Variants in CREB3L3 observed in about 807,000 individuals in gnomAD.
CREB3L3 encodes the protein cAMP responsive element binding protein 3 like 3, also known as cyclic AMP-responsive element-binding protein 3-like protein 3.
CREB3L3 carries 40 observed loss-of-function variants against 44.6 expected under a neutral mutation model. That is an observed-to-expected ratio of 0.90 (90% CI 0.70 to 1.17). The LOEUF is 1.17. Ranked by LOEUF, CREB3L3 falls within the 50% of genes most tolerant of loss-of-function variation. The pLI is 0.00. For missense variants in CREB3L3, 578 were observed against 595.8 expected (o/e 0.97, Z 0.31); for synonymous variants, 273 against 256.3 (o/e 1.06, Z -0.62).
chr19:4,160,986 A>C (rs2041654682), intron 4 of CREB3L3, among the ~76,000 whole-genome samples: 1 of 145,768 alleles, frequency 6.9e-6, no homozygotes, highest in African/African-American at 2.5e-5. Context: ...ATCTCGGCTC[A>C]CTGCAAGCTC....
Position 4,171,560 on chromosome 19 carries a change from C to T in CREB3L3, c.1072+81C>T, listed in dbSNP as rs1029027351. On this transcript the variant is annotated intron_variant, in intron 9 of 9. Transcript: ENST00000078445. The surrounding 1 kb of genome is among the most constrained non-coding windows in gnomAD (Gnocchi z 4.9). Reference sequence around the variant, plus strand: ...GGCCTCTGGGGGAGGGGGAGAAGACCCCTGTGCCCTTGTTCCCTGAGGCTG... The same window carrying T: ...GGCCTCTGGGGGAGGGGGAGAAGACTCCTGTGCCCTTGTTCCCTGAGGCTG... 25 of 1,598,214 alleles carry T rather than the reference C, an allele frequency of 1.6e-5. No individual in the cohort carries two copies. The African/African-American group carries it at 3.1e-4, about 20-fold the overall frequency.
At position 4,153,707 on chromosome 19, in the gene CREB3L3, GA is replaced by G; in HGVS notation, c.-40del. 1.2e-6 allele frequency: 2 copies of G among 1,613,636 alleles called. No individual in the cohort carries two copies. Among genetic ancestry groups the G allele is most frequent in the Non-Finnish European group, 1.7e-6 (2 of 1,179,784 alleles). ...GTGGGTGGGCCTCCAGCTTGGAGCA[GA>G]GACCCCCCGAGGCATCTGCAGACAG... On this transcript the variant is annotated 5_prime_UTR_variant, in exon 1 of 10. Coordinates refer to ENST00000078445, the MANE Select transcript of CREB3L3 (RefSeq NM_032607.3).
intron 6 of CREB3L3, among the ~76,000 whole-genome samples, chr19:4,168,723 G>T (rs149919424): frequency 1.8e-3 from 275 of 152,242 alleles, no homozygotes; most frequent in African/African-American, 6.3e-3. Flanking sequence ...CCCTCTGCCT[G>T]AAGATAGACA....
At chr19:4,153,808 G>A (rs566742768) in intron 1 of CREB3L3, 34 bp downstream of exon 1, 1 of 1,613,152 alleles carries the variant, frequency 6.2e-7, no homozygotes, top group Admixed American at 1.7e-5. Flanking sequence ...GAGAGCGGGA[G>A]TCTAGGCTGG....
chr19:4,159,649 A>C lies in CREB3L3; in HGVS notation c.458-15A>C, dbSNP rs190952844. ...TGACACTCTCCCTGTCTCCGTCCCC[A>C]CCTGCCCTGGTCAGAAATGTGGAGC... On this transcript the variant is annotated splice_polypyrimidine_tract_variant and intron_variant, in intron 3 of 9. Coordinates refer to ENST00000078445, the MANE Select transcript of CREB3L3 (RefSeq NM_032607.3). The C allele has an allele frequency of 7.9e-7, 1 of 1,269,420 alleles. No individual in the cohort carries two copies. Among genetic ancestry groups the C allele is most frequent in the Non-Finnish European group, 1.2e-6 (1 of 865,220 alleles). 78.6% of individuals were successfully genotyped at this position (1,269,420 alleles called of 1,614,324 possible).
intron 1 of CREB3L3, 87 bp from the exon 2 acceptor site, chr19:4,154,812 G>T: frequency 6.3e-7 from 1 of 1,599,428 alleles, no homozygotes; most frequent in Non-Finnish European, 8.5e-7. Context: ...CTGAACTCTA[G>T]CCGGAAAGAG....
rs911624984 is a variant in CREB3L3, at chr19:4,156,029, G to A, written c.157-966G>A. On this transcript the variant is annotated intron_variant, in intron 2 of 9. Transcript: ENST00000078445. ...CTCCCAAAGTGCTGGGATTATAGGC[G>A]TGAGCCACCACACCCGGCCCTTTTT... Among the ~76,000 whole-genome samples the A allele has an allele frequency of 4.2e-4, 62 of 148,746 alleles. 2 individuals are homozygous for A. Among genetic ancestry groups the A allele is most frequent in the Non-Finnish European group, 1.3e-4 (9 of 66,832 alleles).
In CREB3L3 at chr19:4,171,215, T is replaced by C. The variant is rs1181370486; in HGVS notation, c.975+40T>C. 1.3e-6 allele frequency: 2 copies of C among 1,572,618 alleles called. No individual in the cohort carries two copies. The highest frequency in any genetic ancestry group is 1.7e-4 in the Middle Eastern group (1 of 5,978). ...CCCCAGGCAAGCCGGGGACCTAGGC[T>C]TCTGTAGAGGGGCCCATAGGGAGGT... On this transcript the variant is annotated intron_variant, in intron 8 of 9. Transcript: ENST00000078445. This position sits in a 1 kb window ranked among gnomAD's most constrained non-coding sequence, Gnocchi z 4.9.
chr19:4,155,256 A>G (rs894805323), intron 2 of CREB3L3, among the ~76,000 whole-genome samples: 4 of 152,194 alleles, frequency 2.6e-5, no homozygotes, highest in Admixed American at 2.0e-4. Context: ...AAACTCATCC[A>G]AAGTCACACA....
intron 4 of CREB3L3, among the ~76,000 whole-genome samples, chr19:4,162,516 C>CAAAAAAAAAAA (rs777481446): frequency 2.1e-5 from 2 of 96,724 alleles, no homozygotes; most frequent in African/African-American, 8.4e-5. Context: ...CTCGTCTCTA[C>CAAAAAAAAAAA]AAAAAAAAAA....
At chr19:4,165,167 C>T (rs1037967960) in intron 5 of CREB3L3, among the ~76,000 whole-genome samples, 1 of 149,086 alleles carries the variant, frequency 6.7e-6, no homozygotes, top group South Asian at 2.1e-4. Flanking sequence ...AATTTGGGTG[C>T]AGCAAACTTT....
At chr19:4,168,871 A>C (rs1286801810) in intron 6 of CREB3L3, among the ~76,000 whole-genome samples, 1 of 151,984 alleles carries the variant, frequency 6.6e-6, no homozygotes, top group Non-Finnish European at 1.5e-5. Context: ...AGCTGGGATT[A>C]CAGGTGCATG....
At chr19:4,163,705 G>A (rs1163473208) in intron 4 of CREB3L3, among the ~76,000 whole-genome samples, 1 of 151,644 alleles carries the variant, frequency 6.6e-6, no homozygotes, top group Non-Finnish European at 1.5e-5. Context: ...TGGAGACAGG[G>A]TTTCACCATG....
At chr19:4,166,234 G>A (rs1019623786) in intron 5 of CREB3L3, among the ~76,000 whole-genome samples, 4 of 151,444 alleles carry the variant, frequency 2.6e-5, no homozygotes, top group South Asian at 2.1e-4. Context: ...GACTACAGGT[G>A]TATGCCATTA....
In CREB3L3 at chr19:4,171,598, G is replaced by A; in HGVS notation, c.1073-58G>A. 1 of 1,602,794 alleles carries A rather than the reference G, an allele frequency of 6.2e-7. No homozygotes were observed. Among genetic ancestry groups the A allele is most frequent in the Non-Finnish European group, 8.5e-7 (1 of 1,170,154 alleles). The stretch of plus-strand genomic sequence containing the variant: ...TTCCCTGAGGCTGGGGGCCAGGGAA[G>A]GGAGCATAGGACCCCACCTCCACCT... On this transcript the variant is annotated intron_variant, in intron 9 of 9. Coordinates refer to ENST00000078445, the MANE Select transcript of CREB3L3 (RefSeq NM_032607.3). The surrounding 1 kb of genome is among the most constrained non-coding windows in gnomAD (Gnocchi z 4.9).
Position 4,170,180 on chromosome 19 carries a change from A to G in CREB3L3, c.862A>G (p.Lys288Glu), listed in dbSNP as rs765876805. The G allele has an allele frequency of 2.5e-6, 4 of 1,614,144 alleles. No individual in the cohort carries two copies. The East Asian group carries it at 8.9e-5, about 36-fold the overall frequency. The change falls in exon 7 of 10, where the codon AAA becomes GAA. Residue 288 changes from lysine to glutamate, a missense_variant. Physicochemically the swap from Lys to Glu is moderately conservative, Grantham distance 56. Coordinates refer to ENST00000078445, the MANE Select transcript of CREB3L3 (RefSeq NM_032607.3). ...CTAQNQELQRKVLHLEKQNLS... is the reference protein window; with the variant it reads ...CTAQNQELQREVLHLEKQNLS... ...TGCTCAGAATCAGGAGTTACAGAGG[A>G]AAGTCTTGCATCTCGAGAAGCAAAA...
Position 4,171,487 on chromosome 19 carries a change from A to T in CREB3L3, c.1072+8A>T. 1 of 1,613,696 alleles carries T rather than the reference A, an allele frequency of 6.2e-7. No homozygotes were observed. The highest frequency in any genetic ancestry group is 8.5e-7 in the Non-Finnish European group (1 of 1,179,770). On this transcript the variant is annotated splice_region_variant and intron_variant, in intron 9 of 9. Coordinates refer to ENST00000078445, the MANE Select transcript of CREB3L3 (RefSeq NM_032607.3). The surrounding 1 kb of genome is among the most constrained non-coding windows in gnomAD (Gnocchi z 4.9). Reference sequence around the variant, plus strand: ...ACTTTGCGCCTGTACGAGGTAGGGGATCCCCACCTTTGAAACCCTTGTCTG... The same window carrying T: ...ACTTTGCGCCTGTACGAGGTAGGGGTTCCCCACCTTTGAAACCCTTGTCTG...
At chr19:4,156,948 A>C in intron 2 of CREB3L3, 47 bp from the exon 3 acceptor site, 2 of 1,601,312 alleles carry the variant, frequency 1.2e-6, no homozygotes, top group Non-Finnish European at 1.7e-6. Context: ...TAATCTAAAA[A>C]GAGTGAGCAC....
Position 4,170,263 on chromosome 19 carries a change from T to C in CREB3L3, c.890+55T>C, listed in dbSNP as rs1967014264. 5.2e-6 allele frequency: 8 copies of C among 1,552,048 alleles called. No homozygotes were observed. The East Asian group carries it at 1.6e-4, about 30-fold the overall frequency. ...CAGGGGAAGCAGCCCCAGAGTCCCT[T>C]TGCAGGAAGAGCAGAGAGCCCATGT... On this transcript the variant is annotated intron_variant, in intron 7 of 9. Transcript: ENST00000078445.
Sources: allele counts gnomAD v4.1 joint callset (sites outside exome capture counted in the v4.1 genomes callset), GRCh38; gene constraint gnomAD v4.1.1; non-coding constraint Gnocchi (gnomAD v3.1); transcripts MANE v1.5; gene names NCBI Gene and HGNC (gene_info 2026-07-23, HGNC 2026-07-21).